SMARCA4: variants seen among roughly 807,000 people sequenced by gnomAD.
SMARCA4 encodes SWI/SNF related BAF chromatin remodeling complex subunit ATPase 4, also known as SWI/SNF-related matrix-associated actin-dependent regulator of chromatin subfamily A member 4.
Under a neutral mutation model 193.9 loss-of-function variants are expected in SMARCA4, and 31 were observed. That is an observed-to-expected ratio of 0.16 (90% confidence interval 0.12 to 0.22). The LOEUF is 0.22. SMARCA4 is among the 10% of genes least tolerant of loss of function. The pLI is 1.00. For synonymous variants in SMARCA4, 942 were observed against 933.1 expected, an observed-to-expected ratio of 1.01 and a Z score of -0.17; for missense variants, 1,148 against 2,296.0, an observed-to-expected ratio of 0.50 and a Z score of 10.22.
chr19:11,013,813 A>T (rs1224233977), intron 16 of SMARCA4, among the ~76,000 whole-genome samples: 1 of 152,144 alleles, frequency 6.6e-6, no homozygotes, highest in Non-Finnish European at 1.5e-5. Context: ...ACATCCCAGC[A>T]TGGCCCAGGT....
rs1568565971 is a variant in SMARCA4, at chr19:11,060,116, C to T, written c.4840C>T (p.Arg1614Trp). ...KAQDRLKGGR[R>W]RPSRGSRAKP... The stretch of plus-strand genomic sequence containing the variant: ...ACAGGACCGGCTGAAGGGCGGCCGG[C>T]GGCGGCCGAGCCGAGGGTCCCGAGC... Residue 1614 changes from arginine to tryptophan, a missense_variant, in exon 34 of 35, where the codon CGG becomes TGG. This residue lies in a region of SMARCA4 where 105 missense variants were observed against 133.7 expected (regional missense o/e 0.79). Transcript: ENST00000344626. The T allele has an allele frequency of 3.9e-6, 6 of 1,550,992 alleles. No individual in the cohort carries two copies. Among genetic ancestry groups the T allele is most frequent in the South Asian group, 1.2e-5 (1 of 84,052 alleles).
chr19:10,979,266 C>A (rs1391060933), intron 1 of SMARCA4, among the ~76,000 whole-genome samples: 1 of 152,082 alleles, frequency 6.6e-6, no homozygotes, highest in East Asian at 1.9e-4. Flanking sequence ...CCAAGAAGAA[C>A]CAATGCATGT....
At chr19:10,968,324 G>T (rs550264001) in intron 1 of SMARCA4, among the ~76,000 whole-genome samples, 1 of 152,216 alleles carries the variant, frequency 6.6e-6, no homozygotes, top group Admixed American at 6.5e-5. Context: ...GGTTTCCAGA[G>T]CTTTGCTTTT....
chr19:11,062,216 CG>C lies in SMARCA4; in HGVS notation c.*401del. 3.3e-6 allele frequency: 1 copy of C among 300,454 alleles called. No individual in the cohort carries two copies. The highest frequency in any genetic ancestry group is 6.7e-5 in the South Asian group (1 of 15,018). The allele number at this position is 300,454 out of a possible 1,614,324, so 18.6% of individuals were successfully genotyped here. A position where few individuals can be genotyped will look rare whatever the true frequency, so the allele number is the denominator to read the frequency against. ...CAGGTCAGACTCGCCGGGGGCCCGGCGAGGGTATGTCAGTGTCACTGGATGT... is the reference window on the plus strand; with the variant it reads ...CAGGTCAGACTCGCCGGGGGCCCGGCAGGGTATGTCAGTGTCACTGGATGT... On this transcript the variant is annotated 3_prime_UTR_variant, in exon 35 of 35. Coordinates refer to ENST00000344626, the MANE Select transcript of SMARCA4 (RefSeq NM_003072.5).
chr19:11,002,890 C>T (rs1008286942), intron 11 of SMARCA4, 139 bp from the exon 12 acceptor site: 39 of 818,442 alleles, frequency 4.8e-5, no homozygotes, highest in Admixed American at 2.4e-4. Flanking sequence ...ATACAGTTTA[C>T]GCATTTTCCC....
At position 11,033,691 on chromosome 19, in the gene SMARCA4, GT is replaced by G. The variant is rs1204899762; in HGVS notation, c.3775-67del. The G allele has an allele frequency of 7.7e-6, 6 of 775,022 alleles. No homozygotes were observed. Among genetic ancestry groups the G allele is most frequent in the South Asian group, 5.4e-5 (4 of 73,590 alleles). The allele number at this position is 775,022 out of a possible 1,614,324, so 48.0% of individuals were successfully genotyped here. A position where few individuals can be genotyped will look rare whatever the true frequency, so the allele number is the denominator to read the frequency against. On this transcript the variant is annotated intron_variant, in intron 26 of 34. Transcript: ENST00000344626. The surrounding 1 kb of genome is among the most constrained non-coding windows in gnomAD (Gnocchi z 9.8). ...GAGTACTTGCTTTTTCTTTGAAGTGGTTTTTTTTTCTAAACTGCTGGTGAAA... is the reference window on the plus strand; with the variant it reads ...GAGTACTTGCTTTTTCTTTGAAGTGGTTTTTTTTCTAAACTGCTGGTGAAA...
At chr19:11,025,556 C>A in intron 22 of SMARCA4, 48 bp downstream of exon 22, 1 of 1,376,966 alleles carries the variant, frequency 7.3e-7, no homozygotes, top group Non-Finnish European at 1.0e-6. Context: ...GTCTGCTGAG[C>A]TCCTAGGCAG....
chr19:11,033,538 G>C lies in SMARCA4; in HGVS notation c.3774+21G>C, dbSNP rs774385679. 1 of 1,584,250 alleles carries C rather than the reference G, an allele frequency of 6.3e-7. No individual in the cohort carries two copies. The highest frequency in any genetic ancestry group is 8.7e-7 in the Non-Finnish European group (1 of 1,153,898). On this transcript the variant is annotated intron_variant, in intron 26 of 34. Transcript: ENST00000344626. The surrounding 1 kb of genome is among the most constrained non-coding windows in gnomAD (Gnocchi z 9.8). ...ATGAGGTGAGCCCAGCACCGGCCCC[G>C]ACCCCTCCCCAGCGTGAATGGTGGA...
intron 1 of SMARCA4, among the ~76,000 whole-genome samples, chr19:10,982,849 A>G (rs996253449): frequency 6.6e-6 from 1 of 152,182 alleles, no homozygotes; most frequent in Non-Finnish European, 1.5e-5. Context: ...ATGTTTCTAC[A>G]CTTCTTACAG....
At chr19:11,055,553 G>A (rs1216758060) in intron 30 of SMARCA4, among the ~76,000 whole-genome samples, 2 of 152,052 alleles carry the variant, frequency 1.3e-5, no homozygotes, top group Non-Finnish European at 2.9e-5. Context: ...GGCTGTTGGG[G>A]TGGTGGGGTG....
Position 11,059,791 on chromosome 19 carries a change from C to A in SMARCA4, c.4674C>A (p.Thr1558=), listed in dbSNP as rs2147113868. 1 of 1,604,824 alleles carries A rather than the reference C, an allele frequency of 6.2e-7. No homozygotes were observed. Among genetic ancestry groups the A allele is most frequent in the South Asian group, 1.1e-5 (1 of 89,612 alleles). Residue 1558 remains threonine, a synonymous_variant, in exon 33 of 35, where the codon ACC becomes ACA. Transcript: ENST00000344626. ...EDSIVLQSVF[T]SVRQKIEKED... The stretch of plus-strand genomic sequence containing the variant: ...CCATCGTCTTGCAGTCGGTCTTCAC[C>A]AGCGTGCGGCAGAAAATCGAGAAGG...
intron 30 of SMARCA4, among the ~76,000 whole-genome samples, chr19:11,049,565 A>G (rs1173861825): frequency 6.6e-6 from 1 of 151,282 alleles, no homozygotes; most frequent in Non-Finnish European, 1.5e-5. Flanking sequence ...GCTCACTGCA[A>G]CCTCTGCCTC....
intron 16 of SMARCA4, 34 bp from the exon 17 acceptor site, chr19:11,018,923 C>T (rs775223546): frequency 6.3e-7 from 1 of 1,586,924 alleles, no homozygotes; most frequent in South Asian, 1.1e-5. Context: ...TGATGAGAGA[C>T]CGGCACTTGA....
intron 12 of SMARCA4, 86 bp from the exon 13 acceptor site, chr19:11,003,254 G>A (rs983216915): frequency 3.1e-6 from 5 of 1,605,726 alleles, no homozygotes; most frequent in Admixed American, 1.7e-5. Flanking sequence ...TTTTACTTCT[G>A]TTTGAATTCC....
rs988231473 is a variant in SMARCA4, at chr19:10,986,423, C to T, written c.590C>T (p.Pro197Leu). The T allele has an allele frequency of 6.3e-7, 1 of 1,576,942 alleles. No homozygotes were observed. ...YKMLARGQPL[P>L]DHLQMAVQGK... ...ATGCTGGCCAGGGGGCAGCCCCTCC[C>T]CGACCACCTGCAGATGGCGGTGCAG... Residue 197 changes from proline (P) to leucine (L), a missense_variant, in exon 4 of 35, where the codon CCC becomes CTC. Pro to Leu is a moderately conservative substitution (Grantham distance 98). Transcript: ENST00000344626. The surrounding 1 kb of genome is among the most constrained non-coding windows in gnomAD (Gnocchi z 6.7).
In SMARCA4 at chr19:10,987,572, C is replaced by T. The variant is rs2145808893; in HGVS notation, c.860-94C>T. ...GGGAGATGGGCGGGGTCTGCCTGTC[C>T]CCAGTGCCTCAAGCAGCTCAGCAGC... On this transcript the variant is annotated intron_variant, in intron 5 of 34. Coordinates refer to ENST00000344626, the MANE Select transcript of SMARCA4 (RefSeq NM_003072.5). The surrounding 1 kb of genome is among the most constrained non-coding windows in gnomAD (Gnocchi z 5.3). 1 of 1,457,606 alleles carries T rather than the reference C, an allele frequency of 6.9e-7. No homozygotes were observed. Among genetic ancestry groups the T allele is most frequent in the Non-Finnish European group, 9.6e-7 (1 of 1,041,902 alleles). 90.3% of individuals were successfully genotyped at this position (1,457,606 alleles called of 1,614,324 possible).
chr19:10,995,763 A>G (rs1242648962), intron 9 of SMARCA4, among the ~76,000 whole-genome samples: 1 of 152,046 alleles, frequency 6.6e-6, no homozygotes, highest in Non-Finnish European at 1.5e-5. Flanking sequence ...CTTTCAGACC[A>G]TTGGGAGGAC....
chr19:11,059,441 T>C (rs1004568657), intron 32 of SMARCA4, among the ~76,000 whole-genome samples: 2 of 152,244 alleles, frequency 1.3e-5, no homozygotes, highest in African/African-American at 4.8e-5. Context: ...GGGGCATGTA[T>C]TTCCAATGTT....
At position 11,007,984 on chromosome 19, in the gene SMARCA4, G is replaced by A. The variant is rs755519197; in HGVS notation, c.2084G>A (p.Ser695Asn). Residue 695 changes from serine (S) to asparagine (N), a missense_variant, in exon 14 of 35, where the codon AGC (serine) becomes AAC (asparagine). Physicochemically the swap from Ser to Asn is conservative, Grantham distance 46. Around this residue, in one of 17 missense-constraint regions of SMARCA4, gnomAD observed 115 missense variants for 175.1 expected, o/e 0.66. Coordinates refer to ENST00000344626, the MANE Select transcript of SMARCA4 (RefSeq NM_003072.5). ...AAGAAGAAGATTCCAGATCCAGACA[G>A]CGATGACGTCTCTGAGGTGGACGCG... ...EEKKKIPDPD[S>N]DDVSEVDARH... The A allele has an allele frequency of 4.3e-6, 7 of 1,613,764 alleles. No homozygotes were observed. The highest frequency in any genetic ancestry group is 1.3e-5 in the African/African-American group (1 of 75,018).
Sources: allele counts gnomAD v4.1 joint callset (sites outside exome capture counted in the v4.1 genomes callset), GRCh38; gene constraint gnomAD v4.1.1; regional missense constraint gnomAD v4.1.1; non-coding constraint Gnocchi (gnomAD v3.1); transcripts MANE v1.5; gene names NCBI Gene and HGNC (gene_info 2026-07-23, HGNC 2026-07-21).